The following MAPT variants were observed in gnomAD, a reference collection of about 807,000 sequenced individuals.
MAPT encodes the protein microtubule associated protein tau, also known as microtubule-associated protein tau.
MAPT carries 34 observed loss-of-function variants against 67.9 expected under a neutral mutation model. The observed-to-expected ratio is 0.50, with a 90% CI of 0.38 to 0.67. The LOEUF (loss-of-function observed/expected upper bound fraction) is 0.67. Ranked by LOEUF, MAPT falls within the 30% of genes least tolerant of loss-of-function variation. MAPT has a pLI of 0.00. For synonymous variants in MAPT, 456 were observed against 464.5 expected (o/e 0.98, Z 0.23); for missense variants, 881 against 1,115.2 (o/e 0.79, Z 2.99).
chr17:45,991,719 C>A, intron 8 of MAPT, 133 bp downstream of exon 8: 1 of 1,173,776 alleles, frequency 8.5e-7, no homozygotes, highest in Non-Finnish European at 1.3e-6. Context: ...GTTTACTAAG[C>A]ACTGGAGTCT....
At chr17:45,954,479 C>G (rs8066515) in intron 1 of MAPT, among the ~76,000 whole-genome samples, 1,859 of 152,196 alleles carry the variant, frequency 0.012, 38 homozygotes, top group African/African-American at 0.042. Context: ...AAACATTAGC[C>G]AGGCATGGTG....
intron 4 of MAPT, among the ~76,000 whole-genome samples, chr17:45,982,132 G>A (rs1422341379): frequency 2.6e-5 from 4 of 151,926 alleles, no homozygotes; most frequent in Non-Finnish European, 5.9e-5. Context: ...GACTATCCTG[G>A]CCAACATGGT....
At chr17:45,895,648 C>T (rs1360543011) in intron 1 of MAPT, 5 of 152,296 alleles carry the variant, frequency 3.3e-5, no homozygotes, top group African/African-American at 9.6e-5. Context: ...CTGCCGGAGG[C>T]GCGGGGCTGG....
chr17:46,020,181 G>A (rs1257788767), intron 12 of MAPT, among the ~76,000 whole-genome samples: 1 of 152,094 alleles, frequency 6.6e-6, no homozygotes, highest in African/African-American at 2.4e-5. Context: ...AAACAATGAT[G>A]CCGAAATCCT....
chr17:45,972,762 G>C (rs2071851492), intron 3 of MAPT: 1 of 154,022 alleles, frequency 6.5e-6, no homozygotes, highest in Middle Eastern at 3.2e-3. Context: ...GCAGGAACAA[G>C]TTGCAAAGTA....
At chr17:45,933,840 A>AAT (rs2067083205) in intron 1 of MAPT, among the ~76,000 whole-genome samples, 1 of 137,808 alleles carries the variant, frequency 7.3e-6, no homozygotes, top group African/African-American at 2.7e-5. Flanking sequence ...ATGTTTTCTG[A>AAT]TTTTTTTTTT....
At chr17:46,006,816 G>C (rs1380855576) in intron 9 of MAPT, among the ~76,000 whole-genome samples, 1 of 151,934 alleles carries the variant, frequency 6.6e-6, no homozygotes, top group African/African-American at 2.4e-5. Flanking sequence ...CCAGCTACTC[G>C]GGAGGCTGAG....
intron 2 of MAPT, among the ~76,000 whole-genome samples, chr17:45,968,215 A>G (rs149643630): frequency 3.3e-5 from 5 of 152,222 alleles, no homozygotes; most frequent in African/African-American, 1.2e-4. Flanking sequence ...ACAACAAAAA[A>G]AAACCCCACC....
chr17:45,904,141 A>G (rs1235993973), intron 1 of MAPT, among the ~76,000 whole-genome samples: 5 of 31,942 alleles, frequency 1.6e-4, no homozygotes, highest in African/African-American at 4.7e-4. Context: ...ATATATGTAT[A>G]TATTATATAT....
chr17:46,024,190 C>A lies in MAPT; in HGVS notation c.*19C>A, dbSNP rs775593342. On this transcript the variant is annotated 3_prime_UTR_variant, in exon 13 of 13. Transcript: ENST00000262410. ...TTTGTGATCAGGCCCCTGGGGCGGT[C>A]AATAATTGTGGAGAGGAGAGAATGA... The A allele has an allele frequency of 8.7e-6, 14 of 1,605,362 alleles. No individual in the cohort carries two copies. The highest frequency in any genetic ancestry group is 1.1e-5 in the Non-Finnish European group (13 of 1,172,598).
In MAPT at chr17:46,010,389, C is replaced by A; in HGVS notation, c.2078C>A (p.Pro693Gln). 1 of 1,574,188 alleles carries A rather than the reference C, an allele frequency of 6.4e-7. No individual in the cohort carries two copies. Among genetic ancestry groups the A allele is most frequent in the East Asian group, 2.3e-5 (1 of 43,458 alleles). Residue 693 changes from proline to glutamine, a missense_variant, in exon 10 of 13, where the codon CCG (proline) becomes CAG (glutamine). This residue lies in a region of MAPT where 34 missense variants were observed against 51.2 expected (regional missense o/e 0.66). Transcript: ENST00000262410. The surrounding 1 kb of genome is among the most constrained non-coding windows in gnomAD (Gnocchi z 4.7). Reference protein sequence around the residue: ...CGSKDNIKHVPGGGSVQIVYK... With the variant: ...CGSKDNIKHVQGGGSVQIVYK... ...TCAAAGGATAATATCAAACACGTCC[C>A]GGGAGGCGGCAGTGTGAGTACCTTC... is the stretch of plus-strand genomic sequence containing the variant.
chr17:46,024,237 A>T lies in MAPT; in HGVS notation c.*66A>T. On this transcript the variant is annotated 3_prime_UTR_variant, in exon 13 of 13. Coordinates refer to ENST00000262410, the MANE Select transcript of MAPT (RefSeq NM_001377265.1). ...ATGAGAGAGTGTGGAAAAAAAAAGAATAATGACCCGGCCCCCGCCCTCTGC... is the reference window on the plus strand; with the variant it reads ...ATGAGAGAGTGTGGAAAAAAAAAGATTAATGACCCGGCCCCCGCCCTCTGC... 1.4e-6 allele frequency: 2 copies of T among 1,428,026 alleles called. No individual in the cohort carries two copies. The highest frequency in any genetic ancestry group is 2.3e-5 in the East Asian group (1 of 43,340). 88.5% of individuals were successfully genotyped at this position (1,428,026 alleles called of 1,614,324 possible).
intron 11 of MAPT, among the ~76,000 whole-genome samples, chr17:46,014,532 G>T (rs1469746031): frequency 2.6e-5 from 4 of 152,186 alleles, no homozygotes; most frequent in Admixed American, 6.5e-5. Flanking sequence ...TGCTGCCCAA[G>T]ACAAGGTGAG....
At chr17:45,987,955 C>CTTCA (rs201010867) in intron 6 of MAPT, among the ~76,000 whole-genome samples, 1 of 152,168 alleles carries the variant, frequency 6.6e-6, no homozygotes, top group African/African-American at 2.4e-5. Flanking sequence ...TTGTTCCTTC[C>CTTCA]TTCATTCATT....
chr17:45,972,136 A>G lies in MAPT; in HGVS notation c.220+191A>G. 3 of 697,050 alleles carry G rather than the reference A, an allele frequency of 4.3e-6. No homozygotes were observed. The South Asian group carries it at 4.5e-5, about 10-fold the overall frequency. 43.2% of individuals were successfully genotyped at this position (697,050 alleles called of 1,614,324 possible). A position where few individuals can be genotyped will look rare whatever the true frequency, so the allele number is the denominator to read the frequency against. ...TTGCTTGCTGGTGCTGAGTGTGGGC[A>G]CCTTCATCCCGTGTGTGCTCTGGAG... On this transcript the variant is annotated intron_variant, in intron 3 of 12. Transcript: ENST00000262410.
intron 9 of MAPT, among the ~76,000 whole-genome samples, chr17:46,005,491 T>C (rs2075349496): frequency 6.6e-6 from 1 of 152,248 alleles, no homozygotes; most frequent in Admixed American, 6.5e-5. Flanking sequence ...CTACAGGTGC[T>C]GAGGCTACTC....
At chr17:45,940,447 G>A (rs1328831180) in intron 1 of MAPT, among the ~76,000 whole-genome samples, 1 of 152,210 alleles carries the variant, frequency 6.6e-6, no homozygotes, top group Non-Finnish European at 1.5e-5. Context: ...GGCGTAGTGA[G>A]GATGTGTTGA....
intron 9 of MAPT, among the ~76,000 whole-genome samples, chr17:46,008,539 C>T (rs886862269): frequency 1.7e-4 from 26 of 152,070 alleles, no homozygotes; most frequent in African/African-American, 5.6e-4. Flanking sequence ...GGTAAGAAAA[C>T]GGTTTTTGCT....
intron 2 of MAPT, among the ~76,000 whole-genome samples, chr17:45,964,186 C>T (rs1028454417): frequency 1.3e-5 from 2 of 150,954 alleles, no homozygotes; most frequent in African/African-American, 5.0e-5. Flanking sequence ...TCTGTTTTCT[C>T]CTTTGTTTTG....
Sources: allele counts gnomAD v4.1 joint callset (sites outside exome capture counted in the v4.1 genomes callset), GRCh38; gene constraint gnomAD v4.1.1; regional missense constraint gnomAD v4.1.1; non-coding constraint Gnocchi (gnomAD v3.1); transcripts MANE v1.5; gene names NCBI Gene and HGNC (gene_info 2026-07-23, HGNC 2026-07-21).